UTRN: variants seen among roughly 807,000 people sequenced by gnomAD.
UTRN encodes dystrophin-related protein 1.
UTRN carries 283 observed loss-of-function variants against 463.9 expected under a neutral mutation model. The observed-to-expected ratio is 0.61, with a 90% confidence interval of 0.55 to 0.67. The LOEUF (loss-of-function observed/expected upper bound fraction) is 0.67. Among genes scored for constraint, UTRN ranks in the 30% least tolerant of loss-of-function variants. The pLI is 0.00. For synonymous variants in UTRN, 1,442 were observed against 1,431.5 expected (o/e 1.01, Z -0.17); for missense variants, 3,922 against 4,084.3 (o/e 0.96, Z 1.08).
At chr6:144,595,145 C>G (rs917419601) in intron 51 of UTRN, among the ~76,000 whole-genome samples, 12 of 151,878 alleles carry the variant, frequency 7.9e-5, no homozygotes, top group African/African-American at 2.7e-4. Context: ...TATGTAATAC[C>G]CAAGTGACAT....
At chr6:144,618,345 A>G (rs1025672814) in intron 51 of UTRN, among the ~76,000 whole-genome samples, 27 of 152,146 alleles carry the variant, frequency 1.8e-4, no homozygotes, top group African/African-American at 6.0e-4. Flanking sequence ...TGATGATACT[A>G]CTAAGTACAG....
At chr6:144,522,307 A>G (rs1337138933) in intron 40 of UTRN, 136 bp downstream of exon 40, 20 of 637,452 alleles carry the variant, frequency 3.1e-5, no homozygotes, top group Non-Finnish European at 4.7e-5. Context: ...TATGACTAGT[A>G]AAGCTTTCCT....
intron 51 of UTRN, among the ~76,000 whole-genome samples, chr6:144,640,842 T>C (rs1413198248): frequency 3.9e-5 from 6 of 152,212 alleles, no homozygotes; most frequent in Admixed American, 3.3e-4. Flanking sequence ...AAATAGTTTT[T>C]AATGCCAGCA....
intron 42 of UTRN, 47 bp downstream of exon 42, chr6:144,531,249 T>C: frequency 6.4e-7 from 1 of 1,562,260 alleles, no homozygotes; most frequent in Non-Finnish European, 8.7e-7. Context: ...ATGGTTAGTG[T>C]ATGCCTGTTA....
chr6:144,751,886 C>T lies in UTRN; in HGVS notation c.8289C>T (p.Asp2763=). 1.2e-6 allele frequency: 2 copies of T among 1,612,716 alleles called. No homozygotes were observed. The highest frequency in any genetic ancestry group is 1.7e-5 in the Admixed American group (1 of 59,794). ...NDLSSQLSPL[D]LHPSLKMSRQ... The stretch of plus-strand genomic sequence containing the variant: ...TATCCAGTCAGCTGTCTCCACTTGA[C>T]CTGCATCCCTCTCTAAAGATGTCTC... The change falls in exon 56 of 75, where the codon GAC becomes GAT. Residue 2763 remains aspartate (D), a synonymous_variant. Coordinates refer to ENST00000367545, the MANE Select transcript of UTRN (RefSeq NM_007124.3).
chr6:144,386,053 A>T (rs1021389864), intron 2 of UTRN, among the ~76,000 whole-genome samples: 2 of 152,176 alleles, frequency 1.3e-5, no homozygotes, highest in Admixed American at 6.5e-5. Flanking sequence ...ACATGAAGGA[A>T]GTCATTAGGA....
rs1777688670 is a variant in UTRN at position 144,640,827 on chromosome 6, AG to A, written c.7480-37578del. On this transcript the variant is annotated intron_variant, in intron 51 of 74. Transcript: ENST00000367545. ...AAATATACTAATTTTTAATTTTTGT[AG>A]TTGAAATAGTTTTTAATGCCAGCAG... Among the ~76,000 whole-genome samples the A allele has an allele frequency of 2.0e-5, 3 of 152,288 alleles. No individual in the cohort carries two copies. In the South Asian group the frequency reaches 6.2e-4, roughly 32 times the overall value.
intron 33 of UTRN, among the ~76,000 whole-genome samples, chr6:144,496,707 A>G (rs923010600): frequency 1.6e-4 from 24 of 152,212 alleles, no homozygotes; most frequent in African/African-American, 5.3e-4. Flanking sequence ...GAGTAGTTAC[A>G]TGAGATGATG....
At chr6:144,625,137 C>T (rs926151487) in intron 51 of UTRN, among the ~76,000 whole-genome samples, 1 of 152,126 alleles carries the variant, frequency 6.6e-6, no homozygotes, top group African/African-American at 2.4e-5. Context: ...AAGAAAATAT[C>T]CACACGTCTG....
chr6:144,562,439 G>A (rs930723812), intron 50 of UTRN, among the ~76,000 whole-genome samples: 2 of 152,112 alleles, frequency 1.3e-5, no homozygotes, highest in African/African-American at 4.8e-5. Flanking sequence ...ACATTTATAA[G>A]TGAGAACATG....
At chr6:144,454,337 G>A (rs1362607897) in intron 19 of UTRN, among the ~76,000 whole-genome samples, 1 of 151,882 alleles carries the variant, frequency 6.6e-6, no homozygotes, top group African/African-American at 2.4e-5. Flanking sequence ...AGTTTGATAA[G>A]GTGTTACTTA....
At chr6:144,650,967 T>C (rs958758569) in intron 51 of UTRN, among the ~76,000 whole-genome samples, 1 of 152,008 alleles carries the variant, frequency 6.6e-6, no homozygotes, top group Non-Finnish European at 1.5e-5. Flanking sequence ...TGTAACCTAT[T>C]TATATTTTAT....
intron 62 of UTRN, among the ~76,000 whole-genome samples, chr6:144,791,057 T>G (rs1010909431): frequency 1.3e-5 from 2 of 152,230 alleles, no homozygotes; most frequent in Non-Finnish European, 2.9e-5. Context: ...GTTTTAATCT[T>G]TAATCTAAAT....
At chr6:144,406,663 G>A (rs9496965) in intron 3 of UTRN, among the ~76,000 whole-genome samples, 8,535 of 152,150 alleles carry the variant, frequency 0.056, 801 homozygotes, top group African/African-American at 0.19. Flanking sequence ...CACCACGCCC[G>A]GCCTCCCCTT....
At chr6:144,343,409 C>CACACAA (rs1554220421) in intron 2 of UTRN, among the ~76,000 whole-genome samples, 19 of 141,600 alleles carry the variant, frequency 1.3e-4, no homozygotes, top group African/African-American at 4.9e-4. Context: ...CACACACACA[C>CACACAA]AATAGCCGGG....
rs368423736 is a variant in UTRN at position 144,286,602 on chromosome 6, C to T, written c.-93+781C>T. 6.6e-6 allele frequency among the ~76,000 whole-genome samples: 1 copy of T among 152,060 alleles called. No individual in the cohort carries two copies. The highest frequency in any genetic ancestry group is 1.5e-5 in the Non-Finnish European group (1 of 68,010). ...TCATGCCCCGCTTTGGCCCGGGGTC[C>T]GAGGCTGTGGTTGCTCAAGGCCACT... On this transcript the variant is annotated intron_variant, in intron 1 of 74. Transcript: ENST00000367545. This position sits in a 1 kb window ranked among gnomAD's most constrained non-coding sequence, Gnocchi z 4.4.
intron 51 of UTRN, among the ~76,000 whole-genome samples, chr6:144,598,331 T>A (rs967072035): frequency 6.6e-6 from 1 of 152,216 alleles, no homozygotes; most frequent in African/African-American, 2.4e-5. Flanking sequence ...GATTTTCTGA[T>A]TGGCAGTTGG....
intron 2 of UTRN, among the ~76,000 whole-genome samples, chr6:144,322,190 GT>G (rs768024950): frequency 6.6e-6 from 1 of 152,022 alleles, no homozygotes; most frequent in Admixed American, 6.6e-5. Context: ...AAATGATGCA[GT>G]TTTTTTTCAC....
intron 51 of UTRN, among the ~76,000 whole-genome samples, chr6:144,629,858 T>C (rs1776328681): frequency 6.6e-6 from 1 of 152,220 alleles, no homozygotes; most frequent in African/African-American, 2.4e-5. Context: ...ATCTAGAATA[T>C]GGAAGACAGT....
Sources: gnomAD v4.1 joint callset for allele counts (sites outside exome capture counted in the v4.1 genomes callset) on GRCh38, gnomAD v4.1.1 for gene constraint, Gnocchi (gnomAD v3.1) non-coding constraint, MANE v1.5 for transcripts, NCBI Gene and HGNC (gene_info 2026-07-23, HGNC 2026-07-21) for gene names.